The following FOXRED1 variants were observed in gnomAD, a reference collection of about 807,000 sequenced individuals.
FOXRED1 encodes FAD-dependent oxidoreductase domain-containing protein 1.
Under a neutral mutation model 57.8 loss-of-function variants are expected in FOXRED1, and 52 were observed. The observed-to-expected ratio is 0.90, with a 90% CI of 0.72 to 1.13. The LOEUF (loss-of-function observed/expected upper bound fraction) is 1.13. Ranked by LOEUF, FOXRED1 falls within the 50% of genes most tolerant of loss-of-function variation. The pLI is 0.00. For missense variants in FOXRED1, 589 were observed against 625.2 expected (o/e 0.94, Z 0.62); for synonymous variants, 271 against 248.3 (o/e 1.09, Z -0.86).
In FOXRED1 at chr11:126,273,354, G is replaced by A. The variant is rs763082363; in HGVS notation, c.436G>A (p.Asp146Asn). The part of the protein sequence containing the change: ...RNINEYLAVV[D>N]APPLDLRFNP... ...CACACAGGAGTACCTGGCCGTAGTC[G>A]ATGCTCCTCCCCTGGACCTCCGGTT... The change falls in exon 4 of 11, where the codon GAT becomes AAT. Residue 146 changes from aspartate to asparagine, a missense_variant. Asp to Asn is a conservative substitution (Grantham distance 23). Transcript: ENST00000263578. This position sits in a 1 kb window ranked among gnomAD's most constrained non-coding sequence, Gnocchi z 5.9. The A allele has an allele frequency of 2.1e-5, 34 of 1,613,290 alleles. No individual in the cohort carries two copies. The highest frequency in any genetic ancestry group is 2.8e-5 in the Non-Finnish European group (33 of 1,179,494).
Position 126,275,747 on chromosome 11 carries a change from T to A in FOXRED1, c.734-47T>A. 7.9e-7 allele frequency: 1 copy of A among 1,273,378 alleles called. No individual in the cohort carries two copies. The allele number at this position is 1,273,378 out of a possible 1,614,324, so 78.9% of individuals were successfully genotyped here. ...GAAACCAGTGAAATCCCCATTTCAT[T>A]CCTCTTCAGCACCTCTACGGCCTAT... On this transcript the variant is annotated intron_variant, in intron 6 of 10. Transcript: ENST00000263578. The surrounding 1 kb of genome is among the most constrained non-coding windows in gnomAD (Gnocchi z 5.9).
rs1951003031 is a variant in FOXRED1, at chr11:126,272,049, C to T, written c.306+392C>T. Among the ~76,000 whole-genome samples the T allele has an allele frequency of 6.6e-6, 1 of 151,578 alleles. No homozygotes were observed. The highest frequency in any genetic ancestry group is 6.6e-5 in the Admixed American group (1 of 15,210). Reference sequence around the variant, plus strand: ...CAATCTCAGCTCACTGCAACCTCCACCTCCCAGGTTCAAGTGATTATCCCA... The same window carrying T: ...CAATCTCAGCTCACTGCAACCTCCATCTCCCAGGTTCAAGTGATTATCCCA... On this transcript the variant is annotated intron_variant, in intron 2 of 10. Coordinates refer to ENST00000263578, the MANE Select transcript of FOXRED1 (RefSeq NM_017547.4). This position sits in a 1 kb window ranked among gnomAD's most constrained non-coding sequence, Gnocchi z 4.6.
rs138188150 is a variant in FOXRED1, at chr11:126,273,074, A to T, written c.412A>T (p.Ile138Phe). 3.1e-5 allele frequency: 48 copies of T among 1,543,740 alleles called. No homozygotes were observed. The African/African-American group carries it at 6.2e-4, about 20-fold the overall frequency. ...CTTTTCAGCCAGCTTTCTACGGAAC[A>T]TCAATGTAGGTGCAATGATATCCGG... is the stretch of plus-strand genomic sequence containing the variant. The part of the protein sequence containing the change: ...SLFSASFLRN[I>F]NEYLAVVDAP... Residue 138 changes from isoleucine to phenylalanine, a missense_variant, in exon 3 of 11, where the codon ATC (isoleucine) becomes TTC (phenylalanine). Coordinates refer to ENST00000263578, the MANE Select transcript of FOXRED1 (RefSeq NM_017547.4). The surrounding 1 kb of genome is among the most constrained non-coding windows in gnomAD (Gnocchi z 5.9).
chr11:126,275,080 T>G lies in FOXRED1; in HGVS notation c.631+59T>G, dbSNP rs1335229047. 2.6e-6 allele frequency: 3 copies of G among 1,173,438 alleles called. No individual in the cohort carries two copies. The highest frequency in any genetic ancestry group is 3.8e-6 in the Non-Finnish European group (3 of 779,734). The allele number at this position is 1,173,438 out of a possible 1,614,324, so 72.7% of individuals were successfully genotyped here. On this transcript the variant is annotated intron_variant, in intron 5 of 10. Coordinates refer to ENST00000263578, the MANE Select transcript of FOXRED1 (RefSeq NM_017547.4). The surrounding 1 kb of genome is among the most constrained non-coding windows in gnomAD (Gnocchi z 5.9). Reference sequence around the variant, plus strand: ...CCTGAAGATGGAGACTAAGGGGTGCTACACGTTGGGAGTCTCGGTACTCCA... The same window carrying G: ...CCTGAAGATGGAGACTAAGGGGTGCGACACGTTGGGAGTCTCGGTACTCCA...
rs992217691 is a variant in FOXRED1 at position 126,276,986 on chromosome 11, C to G, written c.1102-85C>G. On this transcript the variant is annotated intron_variant, in intron 9 of 10. Transcript: ENST00000263578. The stretch of plus-strand genomic sequence containing the variant: ...AACTGGGACCATTTCTCCCCATCCC[C>G]TACCTGCACAGGGATTGTTAAACAA... 7 of 861,398 alleles carry G rather than the reference C, an allele frequency of 8.1e-6. 1 individual carries two copies. The highest frequency in any genetic ancestry group is 4.9e-5 in the African/African-American group (3 of 60,632). 53.4% of individuals were successfully genotyped at this position (861,398 alleles called of 1,614,324 possible).
rs1951085915 is a variant in FOXRED1, at chr11:126,274,842, C to T, written c.537-85C>T. On this transcript the variant is annotated intron_variant, in intron 4 of 10. Transcript: ENST00000263578. The surrounding 1 kb of genome is among the most constrained non-coding windows in gnomAD (Gnocchi z 4.8). ...AGTGACATGACTGAGCTGGACTCCC[C>T]ACTTGTGGAGTTGGGGTCCATACAT... The T allele has an allele frequency of 1.2e-6, 1 of 838,028 alleles. No individual in the cohort carries two copies. Among genetic ancestry groups the T allele is most frequent in the South Asian group, 1.3e-5 (1 of 75,394 alleles). The allele number at this position is 838,028 out of a possible 1,614,324, so 51.9% of individuals were successfully genotyped here.
Position 126,272,875 on chromosome 11 carries a change from A to T in FOXRED1, c.307-94A>T. Reference sequence around the variant, plus strand: ...AGACTTGCAAATAGGACTCCCCTTCAACTTTAGGTGTATAGCTCGAAGCTT... The same window carrying T: ...AGACTTGCAAATAGGACTCCCCTTCTACTTTAGGTGTATAGCTCGAAGCTT... On this transcript the variant is annotated intron_variant, in intron 2 of 10. Transcript: ENST00000263578. This position sits in a 1 kb window ranked among gnomAD's most constrained non-coding sequence, Gnocchi z 4.6. 1.3e-6 allele frequency: 1 copy of T among 774,594 alleles called. No individual in the cohort carries two copies. Among genetic ancestry groups the T allele is most frequent in the South Asian group, 1.4e-5 (1 of 72,626 alleles). The allele number at this position is 774,594 out of a possible 1,614,324, so 48.0% of individuals were successfully genotyped here.
rs1591542414 is a variant in FOXRED1, at chr11:126,269,191, C to T, written c.-16C>T. The T allele has an allele frequency of 6.3e-7, 1 of 1,599,192 alleles. No homozygotes were observed. Among genetic ancestry groups the T allele is most frequent in the South Asian group, 1.1e-5 (1 of 90,706 alleles). ...GCAGCAGTGCAGCTTTCAGAGGGTC[C>T]GGGCTCAGAGGGGTTATGATTCGGA... On this transcript the variant is annotated 5_prime_UTR_variant, in exon 1 of 11. Coordinates refer to ENST00000263578, the MANE Select transcript of FOXRED1 (RefSeq NM_017547.4).
rs781081363 is a variant in FOXRED1, at chr11:126,274,984, C to G, written c.594C>G (p.Pro198=). ...CTGATCAGCTTCGGAACAAGTTTCC[C>G]TGGATAAACACAGAGGGAGTGGCTT... The part of the protein sequence containing the change: ...MSPDQLRNKF[P]WINTEGVALA... The change falls in exon 5 of 11, where the codon CCC becomes CCG. Residue 198 remains proline (P), a synonymous_variant. Coordinates refer to ENST00000263578, the MANE Select transcript of FOXRED1 (RefSeq NM_017547.4). The surrounding 1 kb of genome is among the most constrained non-coding windows in gnomAD (Gnocchi z 4.8). 61 of 1,613,752 alleles carry G rather than the reference C, an allele frequency of 3.8e-5. No homozygotes were observed. The East Asian group carries it at 1.4e-3, about 36-fold the overall frequency.
Position 126,275,201 on chromosome 11 carries a change from G to C in FOXRED1, c.632-126G>C. ...TCCTTCATCAGGCTTTGTCTCTGTG[G>C]TTCAGTTGGTTAAGATGACCTTCCC... On this transcript the variant is annotated intron_variant, in intron 5 of 10. Transcript: ENST00000263578. The surrounding 1 kb of genome is among the most constrained non-coding windows in gnomAD (Gnocchi z 5.9). 1.2e-6 allele frequency: 1 copy of C among 844,736 alleles called. No homozygotes were observed. The highest frequency in any genetic ancestry group is 2.0e-6 in the Non-Finnish European group (1 of 497,580). 52.3% of individuals were successfully genotyped at this position (844,736 alleles called of 1,614,324 possible).
chr11:126,276,946 C>A, intron 9 of FOXRED1, 125 bp from the exon 10 acceptor site: 1 of 742,620 alleles, frequency 1.3e-6, no homozygotes, highest in Non-Finnish European at 2.5e-6. Context: ...GATATTAGAG[C>A]CCCCTCCAGA....
At position 126,273,867 on chromosome 11, in the gene FOXRED1, T is replaced by C; in HGVS notation, c.536+413T>C. On this transcript the variant is annotated intron_variant, in intron 4 of 10. Coordinates refer to ENST00000263578, the MANE Select transcript of FOXRED1 (RefSeq NM_017547.4). The surrounding 1 kb of genome is among the most constrained non-coding windows in gnomAD (Gnocchi z 5.9). ...TTCCAACCACTTTGCTATCACAGCA[T>C]GAAAGCAGCCATAGACAAAAGTGCA... The C allele has an allele frequency of 4.2e-6, 1 of 239,618 alleles. No homozygotes were observed. The highest frequency in any genetic ancestry group is 5.3e-5 in the South Asian group (1 of 19,032). The allele number at this position is 239,618 out of a possible 1,614,324, so 14.8% of individuals were successfully genotyped here.
rs1271450931 is a variant in FOXRED1 at position 126,274,162 on chromosome 11, G to A, written c.536+708G>A. ...ACTGAGGCATAAGGCGCTAGTAAGT[G>A]GTGGCGGTAGGATCTTATTTGAAGC... On this transcript the variant is annotated intron_variant, in intron 4 of 10. Coordinates refer to ENST00000263578, the MANE Select transcript of FOXRED1 (RefSeq NM_017547.4). This position sits in a 1 kb window ranked among gnomAD's most constrained non-coding sequence, Gnocchi z 4.8. 6.3e-6 allele frequency: 1 copy of A among 158,090 alleles called. No individual in the cohort carries two copies. The highest frequency in any genetic ancestry group is 2.4e-5 in the African/African-American group (1 of 41,464). 9.8% of individuals were successfully genotyped at this position (158,090 alleles called of 1,614,324 possible).
chr11:126,278,121 T>G lies in FOXRED1; in HGVS notation c.*432T>G, dbSNP rs185024577. 2.0e-3 allele frequency: 939 copies of G among 459,824 alleles called. 13 individuals carry two copies. The highest frequency in any genetic ancestry group is 4.0e-4 in the Non-Finnish European group (93 of 230,920). 28.5% of individuals were successfully genotyped at this position (459,824 alleles called of 1,614,324 possible). ...CCATTAATCAATACATGTAATTAACTCCTTCCCTCCAGTCTTCTGTCTCTT... is the reference window on the plus strand; with the variant it reads ...CCATTAATCAATACATGTAATTAACGCCTTCCCTCCAGTCTTCTGTCTCTT... On this transcript the variant is annotated 3_prime_UTR_variant, in exon 11 of 11. Transcript: ENST00000263578. This position sits in a 1 kb window ranked among gnomAD's most constrained non-coding sequence, Gnocchi z 4.8.
intron 9 of FOXRED1, 96 bp from the exon 10 acceptor site, chr11:126,276,975 C>G: frequency 1.2e-6 from 1 of 811,158 alleles, no homozygotes; most frequent in Non-Finnish European, 2.2e-6. Context: ...GGGACCATTT[C>G]TCCCCATCCC....
Position 126,269,273 on chromosome 11 carries a change from A to G in FOXRED1, c.67A>G (p.Arg23Gly), listed in dbSNP as rs779865668. 1.9e-6 allele frequency: 3 copies of G among 1,614,226 alleles called. No homozygotes were observed. The highest frequency in any genetic ancestry group is 8.5e-7 in the Non-Finnish European group (1 of 1,180,034). Residue 23 changes from arginine (R) to glycine (G), a missense_variant, in exon 1 of 11, where the codon AGA becomes GGA. Physicochemically the swap from Arg to Gly is moderately radical, Grantham distance 125 (BLOSUM62 -2). Coordinates refer to ENST00000263578, the MANE Select transcript of FOXRED1 (RefSeq NM_017547.4). ...GLLTRRPGTR[R>G]GGFSLDWDGK... ...CTTGACCCGGAGGCCAGGCACGCGC[A>G]GAGGAGGCTTTTCTCTGGGTAAAGT...
intron 1 of FOXRED1, among the ~76,000 whole-genome samples, chr11:126,269,678 C>T (rs374280595): frequency 6.6e-6 from 1 of 151,958 alleles, no homozygotes; most frequent in African/African-American, 2.4e-5. Context: ...GGGAAAATTT[C>T]AATAGACAGT....
In FOXRED1 at chr11:126,271,733, G is replaced by C; in HGVS notation, c.306+76G>C. 4 of 1,185,948 alleles carry C rather than the reference G, an allele frequency of 3.4e-6. No homozygotes were observed. The South Asian group carries it at 3.7e-5, about 11-fold the overall frequency. 73.5% of individuals were successfully genotyped at this position (1,185,948 alleles called of 1,614,324 possible). ...ATTTTATTAAGGACTCTAGCGACAA[G>C]GGAAGGAGAGGAGGGGAAGACCTCA... On this transcript the variant is annotated intron_variant, in intron 2 of 10. Transcript: ENST00000263578. The surrounding 1 kb of genome is among the most constrained non-coding windows in gnomAD (Gnocchi z 5.3).
Position 126,273,315 on chromosome 11 carries a change from G to A in FOXRED1, c.418-21G>A. On this transcript the variant is annotated intron_variant, in intron 3 of 10. Coordinates refer to ENST00000263578, the MANE Select transcript of FOXRED1 (RefSeq NM_017547.4). This position sits in a 1 kb window ranked among gnomAD's most constrained non-coding sequence, Gnocchi z 5.9. Reference sequence around the variant, plus strand: ...GGCATCCTTAAGTCAGTTTCTTTCAGGAGCTTCTGTCTGCACACAGGAGTA... The same window carrying A: ...GGCATCCTTAAGTCAGTTTCTTTCAAGAGCTTCTGTCTGCACACAGGAGTA... 1 of 1,559,184 alleles carries A rather than the reference G, an allele frequency of 6.4e-7. No individual in the cohort carries two copies. Among genetic ancestry groups the A allele is most frequent in the Non-Finnish European group, 8.9e-7 (1 of 1,129,938 alleles).
Sources: gnomAD v4.1 joint callset for allele counts (sites outside exome capture counted in the v4.1 genomes callset) on GRCh38, gnomAD v4.1.1 for gene constraint, Gnocchi (gnomAD v3.1) non-coding constraint, MANE v1.5 for transcripts, NCBI Gene and HGNC (gene_info 2026-07-23, HGNC 2026-07-21) for gene names.